Variants in WDR33 observed in about 807,000 individuals in gnomAD.
WDR33 encodes WD repeat domain 33.
Under a neutral mutation model 164.9 loss-of-function variants are expected in WDR33, and 47 were observed. The ratio of observed to expected loss-of-function variants is 0.29; its 90% CI spans 0.23 to 0.36. WDR33 has a LOEUF of 0.36. Ranked by LOEUF, WDR33 falls within the 10% of genes least tolerant of loss-of-function variation. The pLI, the probability that WDR33 is intolerant of heterozygous loss-of-function variation, is 1.00. For synonymous variants in WDR33, 505 were observed against 589.0 expected, an observed-to-expected ratio of 0.86 and a Z score of 2.06; for missense variants, 1,137 against 1,754.1, an observed-to-expected ratio of 0.65 and a Z score of 6.28.
chr2:127,702,493 G>A lies in WDR33; in HGVS notation c.*3830C>T, dbSNP rs910623863. 5 of 202,492 alleles carry A rather than the reference G, an allele frequency of 2.5e-5. No individual in the cohort carries two copies. Among genetic ancestry groups the A allele is most frequent in the Admixed American group, 6.1e-5 (1 of 16,426 alleles). 12.5% of individuals were successfully genotyped at this position (202,492 alleles called of 1,614,324 possible). ...TAACTGTGGTCTTAGGTTCGGCTGA[G>A]TAAAGAAAAAGGATTTTTCTTCGAG... is the stretch of plus-strand genomic sequence containing the variant. On this transcript the variant is annotated 3_prime_UTR_variant, in exon 22 of 22. Coordinates refer to ENST00000322313, the MANE Select transcript of WDR33 (RefSeq NM_018383.5).
rs1377947708 is a variant in WDR33 at position 127,702,288 on chromosome 2, T to C, written c.*4035A>G. ...GTGCGGAAGCCCGTGGCGAAGGCCCTGCCCTAACAGCCTGCGAGTCTAATC... is the reference window on the plus strand; with the variant it reads ...GTGCGGAAGCCCGTGGCGAAGGCCCCGCCCTAACAGCCTGCGAGTCTAATC... On this transcript the variant is annotated 3_prime_UTR_variant, in exon 22 of 22. Transcript: ENST00000322313. 1 of 1,053,582 alleles carries C rather than the reference T, an allele frequency of 9.5e-7. No individual in the cohort carries two copies. Among genetic ancestry groups the C allele is most frequent in the Non-Finnish European group, 1.2e-6 (1 of 838,866 alleles). The allele number at this position is 1,053,582 out of a possible 1,614,324, so 65.3% of individuals were successfully genotyped here.
chr2:127,770,744 G>A lies in WDR33; in HGVS notation c.204+34C>T. ...ATAAATAAATAAATAAATAACCAAA[G>A]TTTGGTCATCTGAAGCACATAAATC... On this transcript the variant is annotated intron_variant, in intron 2 of 21. Transcript: ENST00000322313. The surrounding 1 kb of genome is among the most constrained non-coding windows in gnomAD (Gnocchi z 4.9). The A allele has an allele frequency of 7.7e-7, 1 of 1,305,908 alleles. No homozygotes were observed. Among genetic ancestry groups the A allele is most frequent in the Non-Finnish European group, 1.0e-6 (1 of 964,122 alleles). 80.9% of individuals were successfully genotyped at this position (1,305,908 alleles called of 1,614,324 possible). A position where few individuals can be genotyped will look rare whatever the true frequency, so the allele number is the denominator to read the frequency against.
In WDR33 at chr2:127,724,255, A is replaced by C; in HGVS notation, c.1196+78T>G. 2 of 1,123,696 alleles carry C rather than the reference A, an allele frequency of 1.8e-6. No individual in the cohort carries two copies. Among genetic ancestry groups the C allele is most frequent in the Non-Finnish European group, 2.6e-6 (2 of 770,150 alleles). The allele number at this position is 1,123,696 out of a possible 1,614,324, so 69.6% of individuals were successfully genotyped here. On this transcript the variant is annotated intron_variant, in intron 11 of 21. Coordinates refer to ENST00000322313, the MANE Select transcript of WDR33 (RefSeq NM_018383.5). This position sits in a 1 kb window ranked among gnomAD's most constrained non-coding sequence, Gnocchi z 4.8. ...GGAATATAAATTACTATATCAATCAACCAATAAAAATAAACACATACAGTA... is the reference window on the plus strand; with the variant it reads ...GGAATATAAATTACTATATCAATCACCCAATAAAAATAAACACATACAGTA...
At position 127,731,315 on chromosome 2, in the gene WDR33, A is replaced by C. The variant is rs989317179; in HGVS notation, c.725-4538T>G. On this transcript the variant is annotated intron_variant, in intron 7 of 21. Transcript: ENST00000322313. ...GCCTCAAAAAAAAAAAAAAAAAAAA[A>C]AAACACAGAAAAGCAAAAATTAAAT... Among the ~76,000 whole-genome samples the C allele has an allele frequency of 2.7e-3, 413 of 151,066 alleles. 1 individual carries two copies. The highest frequency in any genetic ancestry group is 9.5e-3 in the African/African-American group (387 of 40,820).
intron 4 of WDR33, among the ~76,000 whole-genome samples, chr2:127,767,166 T>C (rs926643759): frequency 1.3e-5 from 2 of 152,120 alleles, no homozygotes; most frequent in Non-Finnish European, 2.9e-5. Flanking sequence ...CTGCTCTCTA[T>C]CATACTCCTC....
intron 7 of WDR33, among the ~76,000 whole-genome samples, chr2:127,746,427 T>C (rs1022514606): frequency 5.9e-5 from 9 of 152,316 alleles, no homozygotes; most frequent in African/African-American, 1.9e-4. Context: ...AAGTAAAATA[T>C]GTTATTTTCT....
intron 7 of WDR33, among the ~76,000 whole-genome samples, chr2:127,754,575 T>C (rs943606974): frequency 2.7e-5 from 4 of 150,504 alleles, no homozygotes; most frequent in East Asian, 1.9e-4. Context: ...CATGCCACCA[T>C]GTTTTTCATT....
intron 4 of WDR33, among the ~76,000 whole-genome samples, chr2:127,766,064 T>C (rs1267511964): frequency 1.3e-5 from 2 of 152,218 alleles, no homozygotes; most frequent in Non-Finnish European, 2.9e-5. Flanking sequence ...GCCCTTTAAA[T>C]ATTTTTACAT....
At position 127,701,565 on chromosome 2, in the gene WDR33, G is replaced by T; in HGVS notation, c.*4758C>A. The T allele has an allele frequency of 7.3e-7, 1 of 1,371,042 alleles. No homozygotes were observed. The allele number at this position is 1,371,042 out of a possible 1,614,324, so 84.9% of individuals were successfully genotyped here. ...CCACCGCCAGCTGCAGGAGTACCTG[G>T]CGCAGGGGAAAGCTGGCGGCCCGGC... is the stretch of plus-strand genomic sequence containing the variant. On this transcript the variant is annotated 3_prime_UTR_variant, in exon 22 of 22. Transcript: ENST00000322313.
At chr2:127,736,154 A>G in intron 7 of WDR33, 2 of 985,416 alleles carry the variant, frequency 2.0e-6, no homozygotes, top group African/African-American at 1.7e-5. Context: ...GAATTTGGTC[A>G]CGAGTCTTCT....
Position 127,809,421 on chromosome 2 carries a change from C to G in WDR33, c.-24+1591G>C, listed in dbSNP as rs535771767. ...CTAAACCATTGTAATATATGTAAGC[C>G]AAATTCCTTTTTTTTTTTTTTTTTT... On this transcript the variant is annotated intron_variant, in intron 1 of 21. Transcript: ENST00000322313. Among the ~76,000 whole-genome samples the G allele has an allele frequency of 2.7e-5, 4 of 148,076 alleles. No individual in the cohort carries two copies. In the East Asian group the frequency reaches 7.9e-4, roughly 29 times the overall value.
chr2:127,795,539 A>G (rs932759820), intron 1 of WDR33, among the ~76,000 whole-genome samples: 27 of 152,004 alleles, frequency 1.8e-4, no homozygotes, highest in African/African-American at 6.3e-4. Flanking sequence ...TTGCAGAATT[A>G]TGTACTCCAG....
intron 7 of WDR33, among the ~76,000 whole-genome samples, chr2:127,761,977 C>T (rs940643683): frequency 2.6e-5 from 4 of 152,162 alleles, no homozygotes; most frequent in Non-Finnish European, 5.9e-5. Flanking sequence ...TAAAGTATCT[C>T]AAGAGTCTTT....
Position 127,716,720 on chromosome 2 carries a change from A to G in WDR33, c.2869+435T>C, listed in dbSNP as rs1686311631. Among the ~76,000 whole-genome samples, 1 of 152,260 alleles carries G rather than the reference A, an allele frequency of 6.6e-6. No individual in the cohort carries two copies. The highest frequency in any genetic ancestry group is 2.1e-4 in the South Asian group (1 of 4,838). ...GTGCTTTCTTCTTTTCAAATGGTGC[A>G]CAACTACATAACCAGCTGAAGAGTT... On this transcript the variant is annotated intron_variant, in intron 17 of 21. Transcript: ENST00000322313. The surrounding 1 kb of genome is among the most constrained non-coding windows in gnomAD (Gnocchi z 4.5).
At chr2:127,762,408 T>C (rs1687703903) in intron 7 of WDR33, 2 of 671,294 alleles carry the variant, frequency 3.0e-6, no homozygotes, top group Non-Finnish European at 3.7e-6. Context: ...GATGTACTGT[T>C]AATATTTCAA....
Position 127,738,125 on chromosome 2 carries a change from C to T in WDR33, c.725-11348G>A. The T allele has an allele frequency of 7.0e-7, 1 of 1,420,124 alleles. No homozygotes were observed. The highest frequency in any genetic ancestry group is 9.4e-7 in the Non-Finnish European group (1 of 1,058,404). 88.0% of individuals were successfully genotyped at this position (1,420,124 alleles called of 1,614,324 possible). A position where few individuals can be genotyped will look rare whatever the true frequency, so the allele number is the denominator to read the frequency against. On this transcript the variant is annotated intron_variant, in intron 7 of 21. Coordinates refer to ENST00000322313, the MANE Select transcript of WDR33 (RefSeq NM_018383.5). The surrounding 1 kb of genome is among the most constrained non-coding windows in gnomAD (Gnocchi z 4.4). ...CAGGTATCTATCACATGAGCCCTGG[C>T]AGATTGTGTAATTTCCAGATATGAC...
At chr2:127,793,933 G>A (rs1688930988) in intron 1 of WDR33, among the ~76,000 whole-genome samples, 1 of 150,572 alleles carries the variant, frequency 6.6e-6, no homozygotes, top group Non-Finnish European at 1.5e-5. Context: ...TCAGAAGTTC[G>A]AGACCAGCCT....
At chr2:127,806,531 T>C (rs1689448449) in intron 1 of WDR33, among the ~76,000 whole-genome samples, 1 of 152,080 alleles carries the variant, frequency 6.6e-6, no homozygotes, top group Non-Finnish European at 1.5e-5. Context: ...TTCACTCCAT[T>C]CCTGCCTTAG....
intron 7 of WDR33, chr2:127,737,354 T>A: frequency 2.0e-6 from 2 of 985,398 alleles, no homozygotes; most frequent in Non-Finnish European, 2.4e-6. Flanking sequence ...CTGAGGTGTG[T>A]GTGTACATAT....
Sources: gnomAD v4.1 joint callset for allele counts (sites outside exome capture counted in the v4.1 genomes callset) on GRCh38, gnomAD v4.1.1 for gene constraint, Gnocchi (gnomAD v3.1) non-coding constraint, MANE v1.5 for transcripts, NCBI Gene and HGNC (gene_info 2026-07-23, HGNC 2026-07-21) for gene names.